The following CEP85L variants were observed in gnomAD, a reference collection of about 807,000 sequenced individuals.
CEP85L encodes the protein centrosomal protein 85L, also known as centrosomal protein of 85 kDa-like.
CEP85L carries 60 observed loss-of-function variants against 100.3 expected under a neutral mutation model. The ratio of observed to expected loss-of-function variants is 0.60; its 90% CI spans 0.49 to 0.74. The LOEUF (loss-of-function observed/expected upper bound fraction) is 0.74. Among genes scored for constraint, CEP85L ranks in the 30% least tolerant of loss-of-function variants. The pLI is 0.00. For missense variants in CEP85L, 973 were observed against 936.2 expected, an observed-to-expected ratio of 1.04 and a Z score of -0.51; for synonymous variants, 319 against 322.7, an observed-to-expected ratio of 0.99 and a Z score of 0.12.
intron 3 of CEP85L, among the ~76,000 whole-genome samples, chr6:118,539,996 T>TC (rs1246805449): frequency 6.6e-6 from 1 of 151,966 alleles, no homozygotes; most frequent in Non-Finnish European, 1.5e-5. Context: ...TTCAGACAGC[T>TC]CCCTGTATAT....
intron 2 of CEP85L, among the ~76,000 whole-genome samples, chr6:118,601,132 G>A (rs773616631): frequency 6.6e-6 from 1 of 152,164 alleles, no homozygotes; most frequent in African/African-American, 2.4e-5. Context: ...TAGCCTCTTA[G>A]TCTCACTTTC....
At chr6:118,685,635 T>C (rs1407886011) in intron 1 of CEP85L, among the ~76,000 whole-genome samples, 1 of 152,192 alleles carries the variant, frequency 6.6e-6, no homozygotes, top group Non-Finnish European at 1.5e-5. Context: ...TTTGACACTT[T>C]AGAAATTGAT....
At chr6:118,578,866 G>A (rs547955373) in intron 2 of CEP85L, among the ~76,000 whole-genome samples, 86 of 152,104 alleles carry the variant, frequency 5.7e-4, no homozygotes, top group African/African-American at 1.9e-3. Flanking sequence ...TCTTCTTTGC[G>A]GCACCGAGCA....
intron 2 of CEP85L, among the ~76,000 whole-genome samples, chr6:118,607,333 T>C (rs1772296681): frequency 6.6e-6 from 1 of 152,108 alleles, no homozygotes; most frequent in African/African-American, 2.4e-5. Context: ...GGTGAACAGC[T>C]TAGGGAGGCC....
intron 4 of CEP85L, among the ~76,000 whole-genome samples, chr6:118,522,379 CTATAT>C (rs2114780102): frequency 6.6e-6 from 1 of 152,116 alleles, no homozygotes; most frequent in Non-Finnish European, 1.5e-5. Flanking sequence ...AAAATTGCAC[CTATAT>C]TAAATTATAG....
intron 2 of CEP85L, among the ~76,000 whole-genome samples, chr6:118,607,935 G>C (rs1051517057): frequency 3.9e-5 from 6 of 152,136 alleles, no homozygotes; most frequent in Non-Finnish European, 8.8e-5. Flanking sequence ...ACGAGGTCCT[G>C]ATCCAGACCC....
chr6:118,575,806 A>G (rs1780192683), intron 2 of CEP85L, among the ~76,000 whole-genome samples: 1 of 152,186 alleles, frequency 6.6e-6, no homozygotes, highest in Non-Finnish European at 1.5e-5. Flanking sequence ...CATAGTGTGC[A>G]GAAAAACTAA....
intron 1 of CEP85L, among the ~76,000 whole-genome samples, chr6:118,672,107 G>GC (rs1375029140): frequency 4.6e-5 from 7 of 152,144 alleles, no homozygotes; most frequent in Non-Finnish European, 1.0e-4. Flanking sequence ...TGCGATCTCA[G>GC]CTCACTGCAA....
chr6:118,660,669 T>C (rs1452935908), intron 1 of CEP85L, among the ~76,000 whole-genome samples: 1 of 152,222 alleles, frequency 6.6e-6, no homozygotes, highest in Non-Finnish European at 1.5e-5. Flanking sequence ...CCTGATCCTG[T>C]GTCCACAACA....
At chr6:118,469,538 AG>A (rs1238498072) in intron 11 of CEP85L, among the ~76,000 whole-genome samples, 4 of 152,188 alleles carry the variant, frequency 2.6e-5, no homozygotes, top group Admixed American at 2.0e-4. Context: ...CGTATATCCA[AG>A]GGAGGAAACA....
intron 2 of CEP85L, among the ~76,000 whole-genome samples, chr6:118,624,870 A>G (rs964716390): frequency 3.3e-5 from 5 of 152,260 alleles, no homozygotes; most frequent in South Asian, 2.1e-4. Context: ...AGTCCATATA[A>G]GAAACTAGAC....
At chr6:118,471,584 A>T (rs554323092) in intron 10 of CEP85L, among the ~76,000 whole-genome samples, 1 of 152,172 alleles carries the variant, frequency 6.6e-6, no homozygotes, top group East Asian at 1.9e-4. Flanking sequence ...ATAAGACTCC[A>T]TAAATATAAA....
At chr6:118,675,418 T>C (rs956703844) in intron 1 of CEP85L, among the ~76,000 whole-genome samples, 1 of 152,052 alleles carries the variant, frequency 6.6e-6, no homozygotes, top group African/African-American at 2.4e-5. Context: ...TTAGATAATG[T>C]TGATGGTTGC....
intron 3 of CEP85L, among the ~76,000 whole-genome samples, chr6:118,552,807 T>A (rs73766547): frequency 0.034 from 5,102 of 152,112 alleles, 288 homozygotes; most frequent in African/African-American, 0.12. Context: ...TCCACAGACA[T>A]AAGATACTCT....
At chr6:118,559,417 A>G (rs1779097917) in intron 3 of CEP85L, 1 of 340,242 alleles carries the variant, frequency 2.9e-6, no homozygotes, top group Admixed American at 4.7e-5. Flanking sequence ...CAACAAGTTC[A>G]CTTCATATAT....
intron 1 of CEP85L, among the ~76,000 whole-genome samples, chr6:118,686,191 C>T (rs904823050): frequency 2.4e-5 from 3 of 124,070 alleles, no homozygotes; most frequent in Non-Finnish European, 5.1e-5. Context: ...AATGTAGCAA[C>T]ACATGTTTTT....
intron 1 of CEP85L, among the ~76,000 whole-genome samples, chr6:118,688,844 T>G (rs1213525693): frequency 6.6e-6 from 1 of 151,894 alleles, no homozygotes; most frequent in African/African-American, 2.4e-5. Flanking sequence ...TATTCCATTT[T>G]TCTGCCTTGG....
intron 2 of CEP85L, among the ~76,000 whole-genome samples, chr6:118,622,910 G>A (rs767157407): frequency 1.3e-5 from 2 of 152,198 alleles, no homozygotes; most frequent in Non-Finnish European, 2.9e-5. Context: ...CCCATGGAAG[G>A]ACCCTTAGTA....
chr6:118,579,463 G>A (rs957803222), intron 2 of CEP85L, among the ~76,000 whole-genome samples: 3 of 151,730 alleles, frequency 2.0e-5, no homozygotes, highest in Non-Finnish European at 4.4e-5. Context: ...ACTATTTTCT[G>A]GACATCTCAC....
Sources: allele counts gnomAD v4.1 joint callset (sites outside exome capture counted in the v4.1 genomes callset), GRCh38; gene constraint gnomAD v4.1.1; transcripts MANE v1.5; gene names NCBI Gene and HGNC (gene_info 2026-07-23, HGNC 2026-07-21).